The following ZFC3H1 variants were observed in gnomAD, a reference collection of about 807,000 sequenced individuals.
ZFC3H1 encodes zinc finger C3H1 domain-containing protein.
ZFC3H1 carries 71 observed loss-of-function variants against 243.7 expected under a neutral mutation model. The ratio of observed to expected loss-of-function variants is 0.29; its 90% CI spans 0.24 to 0.36. The LOEUF is 0.36. Among genes scored for constraint, ZFC3H1 ranks in the 10% least tolerant of loss-of-function variants. The pLI, the probability that ZFC3H1 is intolerant of heterozygous loss-of-function variation, is 1.00. For synonymous variants in ZFC3H1, 838 were observed against 813.0 expected (o/e 1.03, Z -0.52); for missense variants, 1,966 against 2,317.1 (o/e 0.85, Z 3.11).
Position 71,627,844 on chromosome 12 carries a change from T to C in ZFC3H1, c.4037A>G (p.Asp1346Gly), listed in dbSNP as rs1405742521. Residue 1346 changes from aspartate to glycine, a missense_variant, in exon 21 of 35, where the codon GAC (aspartate) becomes GGC (glycine). Physicochemically the swap from Asp to Gly is moderately conservative, Grantham distance 94. Transcript: ENST00000378743. ...DVRYFTNETDDIANLEASVLE... is the reference protein window; with the variant it reads ...DVRYFTNETDGIANLEASVLE... ...CACACTTGCTTCTAAATTAGCGATG[T>C]CATCAGTCTCATTTGTAAAGTATCT... is the stretch of plus-strand genomic sequence containing the variant. 4 of 1,613,942 alleles carry C rather than the reference T, an allele frequency of 2.5e-6. No homozygotes were observed. The highest frequency in any genetic ancestry group is 2.2e-5 in the South Asian group (2 of 91,056).
rs527584590 is a variant in ZFC3H1, at chr12:71,641,487, C to T, written c.1627+949G>A. The stretch of plus-strand genomic sequence containing the variant: ...TCTCCAGTTCCTGGAATGCCAACTG[C>T]GTTCTGTTATCTGCCTCAGTCTTAA... On this transcript the variant is annotated intron_variant, in intron 6 of 34. Transcript: ENST00000378743. Among the ~76,000 whole-genome samples the T allele has an allele frequency of 2.6e-5, 4 of 152,324 alleles. No homozygotes were observed. In the East Asian group the frequency reaches 7.7e-4, roughly 29 times the overall value.
At chr12:71,610,990 G>T in intron 33 of ZFC3H1, 68 bp downstream of exon 33, 1 of 1,560,904 alleles carries the variant, frequency 6.4e-7, no homozygotes, top group Non-Finnish European at 8.6e-7. Context: ...CTTTTAAATT[G>T]AGAAGTCAAC....
At chr12:71,618,418 T>C (rs926782894) in intron 27 of ZFC3H1, among the ~76,000 whole-genome samples, 4 of 152,230 alleles carry the variant, frequency 2.6e-5, no homozygotes, top group Non-Finnish European at 5.9e-5. Flanking sequence ...AGCTTAGGTC[T>C]TTCTTCTCTT....
chr12:71,636,663 G>A lies in ZFC3H1; in HGVS notation c.1936-9C>T, dbSNP rs531925582. 1 of 1,597,294 alleles carries A rather than the reference G, an allele frequency of 6.3e-7. No individual in the cohort carries two copies. The highest frequency in any genetic ancestry group is 1.8e-5 in the Admixed American group (1 of 54,822). ...CTATTACTGGATGTTTCCTACATAA[G>A]GAAGAGAAAGACATTAAACATTCCT... On this transcript the variant is annotated splice_polypyrimidine_tract_variant and intron_variant, in intron 8 of 34. Transcript: ENST00000378743.
At chr12:71,629,556 TACACACACACACACACACACACAC>T in intron 19 of ZFC3H1, 29 bp downstream of exon 19, 2 of 690,548 alleles carry the variant, frequency 2.9e-6, no homozygotes, top group Non-Finnish European at 5.0e-6. Context: ...AGAGATACAG[TACACACACACACACACACACACAC>T]ACACACACAC....
chr12:71,635,293 T>C (rs1258458513), intron 10 of ZFC3H1, 150 bp downstream of exon 10: 1 of 987,176 alleles, frequency 1.0e-6, no homozygotes, highest in African/African-American at 1.7e-5. Context: ...CTTCATTATA[T>C]AAAGTCCTAA....
intron 32 of ZFC3H1, 120 bp from the exon 33 acceptor site, chr12:71,611,217 C>T: frequency 9.4e-7 from 1 of 1,058,518 alleles, no homozygotes; most frequent in Non-Finnish European, 1.3e-6. Flanking sequence ...GAGTACAAAA[C>T]TTCCTGAAAG....
chr12:71,653,891 T>C (rs965395401), intron 2 of ZFC3H1, among the ~76,000 whole-genome samples: 6 of 152,030 alleles, frequency 3.9e-5, no homozygotes, highest in Admixed American at 2.6e-4. Flanking sequence ...GCATGTACCA[T>C]AGTCCCAGCT....
rs374737206 is a variant in ZFC3H1 at position 71,663,380 on chromosome 12, G to C, written c.231C>G (p.Ser77=). The change falls in exon 1 of 35, where the codon TCC becomes TCG. Residue 77 remains serine, a synonymous_variant. Transcript: ENST00000378743. ...AATTCCTCAGCTGCTGCTGAGAAGA[G>C]GACGATGACGAGGAAGAGCCACCGC... ...GGGGGSSSSS[S]SSQQQLRNFS... The C allele has an allele frequency of 2.5e-6, 4 of 1,612,540 alleles. No individual in the cohort carries two copies. The highest frequency in any genetic ancestry group is 3.4e-6 in the Non-Finnish European group (4 of 1,180,026).
chr12:71,647,875 A>C, intron 2 of ZFC3H1, 62 bp from the exon 3 acceptor site: 1 of 623,310 alleles, frequency 1.6e-6, no homozygotes, highest in South Asian at 2.2e-5. Flanking sequence ...AAAATAAAAT[A>C]ATCCTATATA....
chr12:71,639,431 C>A, intron 6 of ZFC3H1: 1 of 242,882 alleles, frequency 4.1e-6, no homozygotes, highest in Non-Finnish European at 8.2e-6. Flanking sequence ...GAGGCTATGT[C>A]TATGCTCAGT....
Position 71,657,109 on chromosome 12 carries a change from A to C in ZFC3H1, c.791T>G (p.Leu264Trp). ...EENVQEDPKT[L>W]NFEDQTSTDN... The stretch of plus-strand genomic sequence containing the variant: ...AGTGCTAGTTTGGTCCTCGAAGTTC[A>C]ATGTTTTAGGATCTTCCTGCACATT... Residue 264 changes from leucine (L) to tryptophan (W), a missense_variant, in exon 2 of 35, where the codon TTG becomes TGG. By Grantham distance (61) the Leu-to-Trp change is moderately conservative. Coordinates refer to ENST00000378743, the MANE Select transcript of ZFC3H1 (RefSeq NM_144982.5). 1 of 1,613,948 alleles carries C rather than the reference A, an allele frequency of 6.2e-7. No homozygotes were observed. The highest frequency in any genetic ancestry group is 8.5e-7 in the Non-Finnish European group (1 of 1,179,934).
rs567575364 is a variant in ZFC3H1 at position 71,658,643 on chromosome 12, C to T, written c.599-1342G>A. ...AAAATACAGTACCCCAAATACGGTT[C>T]TTCTGTTTAAACACCTCACAGGGCA... On this transcript the variant is annotated intron_variant, in intron 1 of 34. Coordinates refer to ENST00000378743, the MANE Select transcript of ZFC3H1 (RefSeq NM_144982.5). Among the ~76,000 whole-genome samples, 3 of 152,214 alleles carry T rather than the reference C, an allele frequency of 2.0e-5. No homozygotes were observed. The South Asian group carries it at 6.2e-4, about 32-fold the overall frequency.
intron 30 of ZFC3H1, 91 bp downstream of exon 30, chr12:71,614,444 C>T: frequency 8.2e-7 from 1 of 1,222,568 alleles, no homozygotes. Flanking sequence ...CTAGGAAAAG[C>T]TCTCTTGATA....
chr12:71,613,570 G>C, intron 30 of ZFC3H1, 135 bp from the exon 31 acceptor site: 1 of 531,268 alleles, frequency 1.9e-6, no homozygotes, highest in Non-Finnish European at 3.3e-6. Context: ...GATGTTGTGA[G>C]TTACAGTTCC....
intron 6 of ZFC3H1, among the ~76,000 whole-genome samples, chr12:71,638,948 T>C (rs183506291): frequency 4.6e-5 from 7 of 152,296 alleles, no homozygotes; most frequent in African/African-American, 9.6e-5. Context: ...TCCCTTCTTG[T>C]GGAGCAAAAG....
intron 24 of ZFC3H1, among the ~76,000 whole-genome samples, chr12:71,622,177 T>C (rs1880047657): frequency 1.3e-5 from 2 of 152,218 alleles, no homozygotes; most frequent in African/African-American, 4.8e-5. Flanking sequence ...CTAACAGTAA[T>C]GTCCTTTCTT....
At chr12:71,637,153 T>C (rs1880484562) in intron 7 of ZFC3H1, 94 bp from the exon 8 acceptor site, 2 of 1,090,452 alleles carry the variant, frequency 1.8e-6, no homozygotes, top group Non-Finnish European at 2.6e-6. Context: ...AAATAAACTT[T>C]ACATTATTAT....
intron 7 of ZFC3H1, 132 bp from the exon 8 acceptor site, chr12:71,637,191 A>T: frequency 1.3e-6 from 1 of 761,616 alleles, no homozygotes; most frequent in Non-Finnish European, 2.0e-6. Flanking sequence ...TAAGCTAAGT[A>T]TATGTTAACC....
Sources: allele counts gnomAD v4.1 joint callset (sites outside exome capture counted in the v4.1 genomes callset), GRCh38; gene constraint gnomAD v4.1.1; transcripts MANE v1.5; gene names NCBI Gene and HGNC (gene_info 2026-07-23, HGNC 2026-07-21).